GRAMD1A: variants seen among roughly 807,000 people sequenced by gnomAD.
The protein encoded by GRAMD1A is GRAM domain containing 1A, also known as protein Aster-A.
A neutral mutation model predicts 92.0 loss-of-function variants in GRAMD1A; 50 were observed. The ratio of observed to expected loss-of-function variants is 0.54; its 90% CI spans 0.43 to 0.69. The LOEUF (loss-of-function observed/expected upper bound fraction) is 0.69, where lower values mean the gene tolerates loss of function less well. Ranked by LOEUF, GRAMD1A falls within the 30% of genes least tolerant of loss-of-function variation. The pLI, the probability that GRAMD1A is intolerant of heterozygous loss-of-function variation, is 0.00. For missense variants in GRAMD1A, 819 were observed against 978.9 expected (o/e 0.84, Z 2.18); for synonymous variants, 405 against 403.6 (o/e 1.00, Z -0.04).
chr19:34,996,529 G>A (rs771176498), upstream of GRAMD1A, among the ~76,000 whole-genome samples: 6 of 152,200 alleles, frequency 3.9e-5, no homozygotes, highest in South Asian at 4.1e-4. Context: ...AGGGGAAGCC[G>A]GGCGTGGTGG....
At chr19:35,018,383 C>T (rs1415533012) in intron 11 of GRAMD1A, among the ~76,000 whole-genome samples, 1 of 152,136 alleles carries the variant, frequency 6.6e-6, no homozygotes, top group African/African-American at 2.4e-5. Flanking sequence ...CTTAAATGAC[C>T]AGATCTCGGA....
Position 35,026,144 on chromosome 19 carries a change from ACCCC to A in GRAMD1A, c.*4_*7del, listed in dbSNP as rs746042870. On this transcript the variant is annotated 3_prime_UTR_variant, in exon 20 of 20. Transcript: ENST00000317991. Reference sequence around the variant, plus strand: ...GGCCCGATGACAGCTTTTCCTGAGGACCCCGGCCACGCAGCTGTTCCCCCACATG... The same window carrying A: ...GGCCCGATGACAGCTTTTCCTGAGGAGGCCACGCAGCTGTTCCCCCACATG... 6.7e-7 allele frequency: 1 copy of A among 1,483,810 alleles called. No homozygotes were observed. Among genetic ancestry groups the A allele is most frequent in the Non-Finnish European group, 9.4e-7 (1 of 1,061,794 alleles). 91.9% of individuals were successfully genotyped at this position (1,483,810 alleles called of 1,614,324 possible).
chr19:35,001,850 C>T (rs188768521), intron 1 of GRAMD1A, among the ~76,000 whole-genome samples: 13 of 152,268 alleles, frequency 8.5e-5, no homozygotes, highest in Admixed American at 7.8e-4. Flanking sequence ...TCAGGTGATC[C>T]ACCCACCTCG....
chr19:34,998,841 G>C (rs550062042), upstream of GRAMD1A, among the ~76,000 whole-genome samples: 47 of 151,282 alleles, frequency 3.1e-4, no homozygotes, highest in South Asian at 7.6e-3. Context: ...GGAATAACCA[G>C]TGCAAAGGTC....
In GRAMD1A at chr19:35,021,423, A is replaced by T. The variant is rs375712235; in HGVS notation, c.1476-79A>T. On this transcript the variant is annotated intron_variant, in intron 13 of 19. Coordinates refer to ENST00000317991, the MANE Select transcript of GRAMD1A (RefSeq NM_020895.5). The surrounding 1 kb of genome is among the most constrained non-coding windows in gnomAD (Gnocchi z 5.3). ...GGGCCCTCTCTGAATTAGGGGAAGG[A>T]AAAAACTCAGCTTGTGGGACGGGGC... The T allele has an allele frequency of 1.3e-5, 14 of 1,082,844 alleles. 1 individual carries two copies. In the East Asian group the frequency reaches 1.4e-4, roughly 11 times the overall value. The allele number at this position is 1,082,844 out of a possible 1,614,324, so 67.1% of individuals were successfully genotyped here.
At chr19:35,014,457 G>C (rs1473725025) in intron 10 of GRAMD1A, 70 bp downstream of exon 10, 16 of 1,353,850 alleles carry the variant, frequency 1.2e-5, no homozygotes, top group Non-Finnish European at 1.7e-5. Context: ...AGCAAGAGGG[G>C]ATGGATTCGC....
chr19:35,009,444 G>A lies in GRAMD1A; in HGVS notation c.240+1G>A. The A allele has an allele frequency of 6.2e-7, 1 of 1,613,844 alleles. No individual in the cohort carries two copies. The highest frequency in any genetic ancestry group is 8.5e-7 in the Non-Finnish European group (1 of 1,179,990). The stretch of plus-strand genomic sequence containing the variant: ...GCAGAAGATGCAGAGCTGGTACAGT[G>A]TAAGTGTCTGGGCAAGGGGCTTGCT... On this transcript the variant is annotated splice_donor_variant, in intron 3 of 19. Coordinates refer to ENST00000317991, the MANE Select transcript of GRAMD1A (RefSeq NM_020895.5). LOFTEE classifies it high-confidence loss of function.
rs1180833216 is a variant in GRAMD1A, at chr19:35,009,194, A to C, written c.84A>C (p.Pro28=). The C allele has an allele frequency of 1.1e-5, 18 of 1,613,814 alleles. No individual in the cohort carries two copies. The East Asian group carries it at 3.8e-4, about 34-fold the overall frequency. ...SLRKRLQLLP[P]SRPPPEPEPG... Reference sequence around the variant, plus strand: ...GGAAACGGCTGCAGCTCCTGCCCCCAAGCCGGCCCCCACCTGAGCCAGAAC... The same window carrying C: ...GGAAACGGCTGCAGCTCCTGCCCCCCAGCCGGCCCCCACCTGAGCCAGAAC... The change falls in exon 2 of 20, where the codon CCA becomes CCC. Residue 28 remains proline (P), a synonymous_variant. Transcript: ENST00000317991.
intron 6 of GRAMD1A, chr19:35,010,644 G>A (rs557938952): frequency 8.5e-5 from 50 of 588,248 alleles, no homozygotes; most frequent in Admixed American, 5.0e-4. Context: ...CACCTCAGCC[G>A]CCCCTCCCTT....
rs781533785 is a variant in GRAMD1A at position 35,022,922 on chromosome 19, G to A, written c.1853+11G>A. 2.7e-5 allele frequency: 43 copies of A among 1,592,010 alleles called. No homozygotes were observed. The South Asian group carries it at 3.9e-4, about 14-fold the overall frequency. ...CAGGATCTGTGTGAGGTAGGGTCCC[G>A]AGTCCTCCCCCTGCCCTCCCCTCCC... On this transcript the variant is annotated intron_variant, in intron 17 of 19. Transcript: ENST00000317991.
chr19:35,004,090 A>T (rs2014617082), intron 1 of GRAMD1A, among the ~76,000 whole-genome samples: 1 of 152,160 alleles, frequency 6.6e-6, no homozygotes, highest in Admixed American at 6.6e-5. Context: ...TCAGCTAGGC[A>T]TGGTGGTGTG....
In GRAMD1A at chr19:35,010,367, G is replaced by A. The variant is rs780173196; in HGVS notation, c.513G>A (p.Thr171=). 17 of 1,612,210 alleles carry A rather than the reference G, an allele frequency of 1.1e-5. No homozygotes were observed. Among genetic ancestry groups the A allele is most frequent in the South Asian group, 7.7e-5 (7 of 91,050 alleles). ...KLIPNAIQIC[T]ESEKHFFTSF... is the part of the protein sequence containing the mutation. ...TCCCCAACGCCATCCAGATCTGCAC[G>A]GAGAGCGAGAAGGTGACGGAGGACC... Residue 171 remains threonine, a synonymous_variant, in exon 6 of 20, where the codon ACG becomes ACA. Coordinates refer to ENST00000317991, the MANE Select transcript of GRAMD1A (RefSeq NM_020895.5).
At chr19:35,005,065 T>C (rs1473583712) in intron 1 of GRAMD1A, among the ~76,000 whole-genome samples, 1 of 152,006 alleles carries the variant, frequency 6.6e-6, no homozygotes, top group African/African-American at 2.4e-5. Context: ...GTCGTGCACC[T>C]GCTGGAACCC....
chr19:34,997,942 C>T (rs549682245), upstream of GRAMD1A, among the ~76,000 whole-genome samples: 3 of 152,062 alleles, frequency 2.0e-5, no homozygotes, highest in East Asian at 5.8e-4. Flanking sequence ...GTGGCGCATG[C>T]CTGTAATCCC....
upstream of GRAMD1A, chr19:34,998,674 A>C (rs954652044): frequency 1.3e-5 from 2 of 152,090 alleles, no homozygotes; most frequent in South Asian, 2.1e-4. Flanking sequence ...AGAAATCTAA[A>C]GAGATCAGTT....
rs1205459718 is a variant in GRAMD1A, at chr19:35,010,103, G to A, written c.337G>A (p.Ala113Thr). 1.2e-6 allele frequency: 2 copies of A among 1,608,860 alleles called. No homozygotes were observed. The highest frequency in any genetic ancestry group is 1.7e-6 in the Non-Finnish European group (2 of 1,175,288). The change falls in exon 5 of 20, where the codon GCC (alanine) becomes ACC (threonine). Residue 113 changes from alanine (A) to threonine (T), a missense_variant. By Grantham distance (58) the Ala-to-Thr change is moderately conservative. Transcript: ENST00000317991. ...CCCGCCCCTCTCAGATTACTCCTGC[G>A]CCCTGCAGCGTGAGATCCTGCTCCA... ...AERLIVDYSC[A>T]LQREILLQGR...
upstream of GRAMD1A, chr19:34,996,016 C>T (rs747217966): frequency 3.9e-6 from 6 of 1,529,618 alleles, no homozygotes; most frequent in Middle Eastern, 3.4e-4. Flanking sequence ...TGTTCCAGAC[C>T]CTCTCCATGG....
At chr19:35,000,062 G>A (rs2014227141), upstream of GRAMD1A, 8 of 986,806 alleles carry the variant, frequency 8.1e-6, no homozygotes, top group Non-Finnish European at 9.6e-6. This position sits in a 1 kb window ranked among gnomAD's most constrained non-coding sequence, Gnocchi z 4.9. Flanking sequence ...TACTAGGGGA[G>A]GGGGCTCCCC....
intron 6 of GRAMD1A, chr19:35,010,762 G>C (rs2015175630): frequency 5.9e-6 from 3 of 505,674 alleles, no homozygotes; most frequent in Admixed American, 3.8e-5. Context: ...GGACAGGTGT[G>C]GGGGACACTT....
Sources: gnomAD v4.1 joint callset for allele counts (sites outside exome capture counted in the v4.1 genomes callset) on GRCh38, gnomAD v4.1.1 for gene constraint, Gnocchi (gnomAD v3.1) non-coding constraint, MANE v1.5 for transcripts, NCBI Gene and HGNC (gene_info 2026-07-23, HGNC 2026-07-21) for gene names.